TIAM2: variants seen among roughly 807,000 people sequenced by gnomAD.
TIAM2 encodes the protein rho guanine nucleotide exchange factor TIAM2.
TIAM2 carries 80 observed loss-of-function variants against 152.9 expected under a neutral mutation model. The ratio of observed to expected loss-of-function variants is 0.52; its 90% CI spans 0.44 to 0.63. The LOEUF is 0.63. TIAM2 is among the 30% of genes least tolerant of loss of function. TIAM2 has a pLI of 0.00. For missense variants in TIAM2, 1,965 were observed against 2,120.1 expected, an observed-to-expected ratio of 0.93 and a Z score of 1.44; for synonymous variants, 804 against 838.0, an observed-to-expected ratio of 0.96 and a Z score of 0.70.
intron 1 of TIAM2, chr6:155,016,274 G>T (rs1483252122): frequency 6.6e-6 from 1 of 152,172 alleles, no homozygotes; most frequent in Non-Finnish European, 1.5e-5. Flanking sequence ...GGATGCTTTC[G>T]ACAGAGGAAC....
chr6:155,035,484 G>T (rs1004937479), intron 1 of TIAM2, among the ~76,000 whole-genome samples: 3 of 152,146 alleles, frequency 2.0e-5, no homozygotes, highest in African/African-American at 7.2e-5. Flanking sequence ...GCCTCCCAAA[G>T]TTTGGGATTA....
chr6:155,086,864 A>T (rs551270031), intron 1 of TIAM2, among the ~76,000 whole-genome samples: 21 of 152,346 alleles, frequency 1.4e-4, no homozygotes, highest in African/African-American at 4.3e-4. Context: ...CAGTTATTTC[A>T]TGAACACATT....
intron 16 of TIAM2, among the ~76,000 whole-genome samples, chr6:155,242,395 T>A (rs776061486): frequency 6.6e-6 from 1 of 152,244 alleles, no homozygotes; most frequent in South Asian, 2.1e-4. Flanking sequence ...ATTTTTGACA[T>A]CTATGTGTTC....
chr6:155,246,386 A>G (rs1360651067), intron 19 of TIAM2, among the ~76,000 whole-genome samples: 2 of 152,170 alleles, frequency 1.3e-5, no homozygotes, highest in Non-Finnish European at 2.9e-5. Flanking sequence ...GCTTCAAATG[A>G]GCAAGACCCA....
At chr6:155,175,078 A>T (rs1308011948) in intron 9 of TIAM2, among the ~76,000 whole-genome samples, 1 of 152,164 alleles carries the variant, frequency 6.6e-6, no homozygotes, top group African/African-American at 2.4e-5. Flanking sequence ...TTTAGCAGAG[A>T]GTGTCCGGGC....
chr6:155,143,384 G>T (rs1335202847), intron 5 of TIAM2, among the ~76,000 whole-genome samples: 3 of 152,172 alleles, frequency 2.0e-5, no homozygotes, highest in Non-Finnish European at 4.4e-5. Context: ...GTACTTAAAA[G>T]CATATGTTGC....
At chr6:155,140,460 G>T (rs949818966) in intron 5 of TIAM2, among the ~76,000 whole-genome samples, 1 of 152,086 alleles carries the variant, frequency 6.6e-6, no homozygotes, top group African/African-American at 2.4e-5. Context: ...AATTCTGTGA[G>T]AATTTCTTCC....
At chr6:155,225,317 G>A (rs910466568) in intron 15 of TIAM2, among the ~76,000 whole-genome samples, 3 of 152,182 alleles carry the variant, frequency 2.0e-5, no homozygotes, top group East Asian at 1.9e-4. Flanking sequence ...GGCAGTCTGA[G>A]GGCCCGGGTG....
At chr6:155,239,390 G>C (rs558578399) in intron 15 of TIAM2, among the ~76,000 whole-genome samples, 17 of 152,336 alleles carry the variant, frequency 1.1e-4, no homozygotes, top group African/African-American at 3.8e-4. Flanking sequence ...AGATGTGAAA[G>C]AAAGAAGCCA....
At chr6:155,048,342 CTTGGCCTCCCAAA>C (rs1777247924) in intron 1 of TIAM2, among the ~76,000 whole-genome samples, 1 of 152,138 alleles carries the variant, frequency 6.6e-6, no homozygotes, top group African/African-American at 2.4e-5. Context: ...ATCCTCCCAC[CTTGGCCTCCCAAA>C]ATGTTGAAAT....
chr6:155,029,517 ATAT>A (rs1776770215), intron 1 of TIAM2, among the ~76,000 whole-genome samples: 1 of 47,326 alleles, frequency 2.1e-5, no homozygotes, highest in African/African-American at 7.7e-5. Context: ...TATATACTAT[ATAT>A]TATAGTATAG....
intron 2 of TIAM2, among the ~76,000 whole-genome samples, chr6:155,115,989 G>A (rs1439806158): frequency 6.6e-6 from 1 of 152,202 alleles, no homozygotes; most frequent in African/African-American, 2.4e-5. Flanking sequence ...GTGTGTGCCT[G>A]TAATCCCAGA....
At chr6:155,106,312 G>A (rs1778688581) in intron 2 of TIAM2, among the ~76,000 whole-genome samples, 2 of 151,914 alleles carry the variant, frequency 1.3e-5, no homozygotes, top group Middle Eastern at 3.4e-3. Context: ...GCCTTTTTGG[G>A]GTATTTTTAA....
At chr6:155,229,539 T>C (rs62428920) in intron 15 of TIAM2, among the ~76,000 whole-genome samples, 49,069 of 152,148 alleles carry the variant, frequency 0.32, 8,726 homozygotes, top group Middle Eastern at 0.48. Context: ...GTCATGGCCA[T>C]GGCCAAGAAA....
intron 1 of TIAM2, among the ~76,000 whole-genome samples, chr6:155,036,394 C>T (rs1776921530): frequency 6.6e-6 from 1 of 151,032 alleles, no homozygotes; most frequent in South Asian, 2.1e-4. Context: ...ATTAGCCAGG[C>T]GTAGAGGCAC....
At chr6:155,105,649 G>T (rs1778668622) in intron 2 of TIAM2, among the ~76,000 whole-genome samples, 1 of 151,056 alleles carries the variant, frequency 6.6e-6, no homozygotes, top group Non-Finnish European at 1.5e-5. Flanking sequence ...GGTAGAGACA[G>T]TCTCCCTATG....
chr6:155,063,864 TAAAC>T, intron 1 of TIAM2, among the ~76,000 whole-genome samples: 1 of 143,388 alleles, frequency 7.0e-6, no homozygotes, highest in Non-Finnish European at 1.5e-5. Context: ...AATTAAAAAA[TAAAC>T]AATGTGCATG....
chr6:155,108,118 G>A (rs559003765), intron 2 of TIAM2, among the ~76,000 whole-genome samples: 1 of 152,170 alleles, frequency 6.6e-6, no homozygotes, highest in African/African-American at 2.4e-5. Context: ...TCACACTTAG[G>A]GATTCTAAAA....
chr6:155,193,591 T>C (rs1781262007), intron 14 of TIAM2, among the ~76,000 whole-genome samples: 1 of 152,220 alleles, frequency 6.6e-6, no homozygotes, highest in African/African-American at 2.4e-5. Context: ...GTAAAAATTG[T>C]GGTTCTTGAA....
Sources: allele counts gnomAD v4.1 joint callset (sites outside exome capture counted in the v4.1 genomes callset), GRCh38; gene constraint gnomAD v4.1.1; transcripts MANE v1.5; gene names NCBI Gene and HGNC (gene_info 2026-07-23, HGNC 2026-07-21).